EYS: variants seen among roughly 807,000 people sequenced by gnomAD.
EYS encodes the protein EGF-like photoreceptor maintenance factor, also known as protein eyes shut homolog.
Under a neutral mutation model 282.1 loss-of-function variants are expected in EYS, and 250 were observed. The ratio of observed to expected loss-of-function variants is 0.89; its 90% CI spans 0.80 to 0.98. The LOEUF (loss-of-function observed/expected upper bound fraction) is 0.98, where lower values mean the gene tolerates loss of function less well. EYS is among the 50% of genes least tolerant of loss of function. The probability of loss-of-function intolerance (pLI) is 0.00; values close to 1 mark genes in which losing one functional copy is unlikely to be tolerated. For missense variants in EYS, 4,016 were observed against 3,709.0 expected (o/e 1.08, Z -2.15); for synonymous variants, 1,355 against 1,282.9 (o/e 1.06, Z -1.20).
intron 2 of EYS, among the ~76,000 whole-genome samples, chr6:65,496,335 G>T (rs1311865344): frequency 6.6e-6 from 1 of 151,992 alleles, no homozygotes; most frequent in Admixed American, 6.6e-5. Context: ...GTTCCAGAGG[G>T]CAAGAAAACA....
chr6:64,046,363 T>TTCTC (rs1247571776), intron 33 of EYS, among the ~76,000 whole-genome samples: 2 of 150,278 alleles, frequency 1.3e-5, no homozygotes. Flanking sequence ...ATTTATCTGT[T>TTCTC]TCTCTCTCTC....
chr6:65,115,307 AATGTATAT>A (rs1775334949), intron 12 of EYS, among the ~76,000 whole-genome samples: 1 of 152,202 alleles, frequency 6.6e-6, no homozygotes, highest in South Asian at 2.1e-4. Flanking sequence ...TCAATGACCT[AATGTATAT>A]GTGCCTATCC....
intron 1 of EYS, among the ~76,000 whole-genome samples, chr6:65,694,999 G>C (rs1769391835): frequency 1.3e-5 from 2 of 152,124 alleles, no homozygotes; most frequent in South Asian, 4.1e-4. Flanking sequence ...GAGAATTTGA[G>C]GTGAGACCAG....
chr6:65,340,592 G>GT, intron 10 of EYS, among the ~76,000 whole-genome samples: 1 of 151,166 alleles, frequency 6.6e-6, no homozygotes, highest in South Asian at 2.1e-4. Flanking sequence ...AAGATTCTCA[G>GT]TATATTGTGC....
intron 5 of EYS, among the ~76,000 whole-genome samples, chr6:65,460,074 T>TACACACACACAC (rs71002308): frequency 7.4e-6 from 1 of 135,330 alleles, no homozygotes; most frequent in East Asian, 2.1e-4. Context: ...TATATATGTA[T>TACACACACACAC]ACACACACAC....
At chr6:64,032,779 A>T (rs1769916171) in intron 33 of EYS, among the ~76,000 whole-genome samples, 1 of 152,260 alleles carries the variant, frequency 6.6e-6, no homozygotes, top group Admixed American at 6.5e-5. Flanking sequence ...ATAGCCAAAT[A>T]GAAGAGAGGC....
intron 26 of EYS, among the ~76,000 whole-genome samples, chr6:64,450,956 G>A (rs930482543): frequency 1.3e-5 from 2 of 152,022 alleles, no homozygotes; most frequent in African/African-American, 4.8e-5. Context: ...AACTGGAGAA[G>A]CAAGAGCAAA....
At position 63,998,174 on chromosome 6, in the gene EYS, T is replaced by C. The variant is rs1468034291; in HGVS notation, c.6834+901A>G. On this transcript the variant is annotated intron_variant, in intron 34 of 42. Transcript: ENST00000503581. Reference sequence around the variant, plus strand: ...GATAGAGCCTCCTTTCTTATCACTATAAAATTCTGGTCAAATAAGATACTC... The same window carrying C: ...GATAGAGCCTCCTTTCTTATCACTACAAAATTCTGGTCAAATAAGATACTC... Among the ~76,000 whole-genome samples the C allele has an allele frequency of 2.6e-5, 4 of 152,138 alleles. No individual in the cohort carries two copies. The East Asian group carries it at 5.8e-4, about 22-fold the overall frequency.
intron 41 of EYS, among the ~76,000 whole-genome samples, chr6:63,750,156 C>T (rs992221637): frequency 2.0e-5 from 3 of 152,040 alleles, no homozygotes; most frequent in Non-Finnish European, 4.4e-5. Flanking sequence ...GCATAATTTT[C>T]CTGATTTCTT....
chr6:65,226,902 T>C (rs1766640099), intron 12 of EYS, among the ~76,000 whole-genome samples: 2 of 152,090 alleles, frequency 1.3e-5, no homozygotes, highest in South Asian at 4.2e-4. Flanking sequence ...ATAGACAAAA[T>C]GTGGCATAAC....
chr6:64,151,672 T>C (rs114908130), intron 31 of EYS, among the ~76,000 whole-genome samples: 1 of 151,952 alleles, frequency 6.6e-6, no homozygotes, highest in African/African-American at 2.4e-5. Flanking sequence ...CACATGTATA[T>C]TTAAATAAGT....
At chr6:65,103,804 C>G (rs1774960069) in intron 12 of EYS, among the ~76,000 whole-genome samples, 1 of 151,346 alleles carries the variant, frequency 6.6e-6, no homozygotes, top group African/African-American at 2.4e-5. Flanking sequence ...TACTATGCTA[C>G]TATGCTATAG....
chr6:65,011,840 G>A (rs1347354017), intron 13 of EYS, among the ~76,000 whole-genome samples: 1 of 152,166 alleles, frequency 6.6e-6, no homozygotes, highest in Non-Finnish European at 1.5e-5. Context: ...TGTTGCCCGA[G>A]AGCACAGCGG....
intron 30 of EYS, 51 bp downstream of exon 30, chr6:64,306,919 T>C (rs1769467150): frequency 3.6e-6 from 3 of 838,648 alleles, no homozygotes; most frequent in African/African-American, 3.4e-5. Flanking sequence ...TGATATCTTT[T>C]GGTGTGGTTA....
At chr6:64,704,524 ATACT>A (rs1770923566) in intron 22 of EYS, among the ~76,000 whole-genome samples, 7 of 142,302 alleles carry the variant, frequency 4.9e-5, no homozygotes, top group African/African-American at 7.7e-5. Flanking sequence ...TATAATTATA[ATACT>A]TATAATAATA....
chr6:65,177,589 T>G (rs940341206), intron 12 of EYS, among the ~76,000 whole-genome samples: 1 of 151,838 alleles, frequency 6.6e-6, no homozygotes, highest in African/African-American at 2.4e-5. Context: ...ATTCAGTATC[T>G]GTGTATGTGC....
chr6:64,245,100 A>G (rs1236929837), intron 30 of EYS, among the ~76,000 whole-genome samples: 6 of 151,248 alleles, frequency 4.0e-5, no homozygotes, highest in African/African-American at 1.5e-4. Flanking sequence ...TCCTTGTGAT[A>G]GTTTGCTCAG....
chr6:64,946,116 G>A (rs992930638), intron 14 of EYS, among the ~76,000 whole-genome samples: 1 of 151,866 alleles, frequency 6.6e-6, no homozygotes. Flanking sequence ...ATTAAATAAA[G>A]TTTTGTAGTA....
intron 37 of EYS, among the ~76,000 whole-genome samples, chr6:63,792,491 TG>T (rs1285131247): frequency 6.6e-6 from 1 of 152,050 alleles, no homozygotes; most frequent in Non-Finnish European, 1.5e-5. Context: ...CTAATGTAAA[TG>T]ACGAGTTAAT....
Sources: allele counts gnomAD v4.1 joint callset (sites outside exome capture counted in the v4.1 genomes callset), GRCh38; gene constraint gnomAD v4.1.1; transcripts MANE v1.5; gene names NCBI Gene and HGNC (gene_info 2026-07-23, HGNC 2026-07-21).